Variants in FUT8 observed in about 807,000 individuals in gnomAD.
The protein encoded by FUT8 is alpha-(1,6)-fucosyltransferase.
FUT8 carries 29 observed loss-of-function variants against 71.3 expected under a neutral mutation model. That is an observed-to-expected ratio of 0.41 (90% CI 0.30 to 0.55). The LOEUF is 0.55. FUT8 is among the 20% of genes least tolerant of loss of function. The probability of loss-of-function intolerance (pLI) is 0.34; values close to 1 mark genes in which losing one functional copy is unlikely to be tolerated. For missense variants in FUT8, 544 were observed against 702.1 expected (o/e 0.77, Z 2.55); for synonymous variants, 254 against 239.3 (o/e 1.06, Z -0.57).
intron 1 of FUT8, among the ~76,000 whole-genome samples, chr14:65,443,117 TGAA>T (rs2065685976): frequency 6.6e-6 from 1 of 152,026 alleles, no homozygotes; most frequent in African/African-American, 2.4e-5. Flanking sequence ...TTCTAAAAAA[TGAA>T]GAGTTTTGGG....
Position 65,472,504 on chromosome 14 carries a change from A to G in FUT8, c.-228+16786A>G, listed in dbSNP as rs2139640785. Among the ~76,000 whole-genome samples, 1 of 152,304 alleles carries G rather than the reference A, an allele frequency of 6.6e-6. No homozygotes were observed. Among genetic ancestry groups the G allele is most frequent in the South Asian group, 2.1e-4 (1 of 4,820 alleles). On this transcript the variant is annotated intron_variant, in intron 2 of 10. Coordinates refer to ENST00000673929, the MANE Select transcript of FUT8 (RefSeq NM_001371533.1). This position sits in a 1 kb window ranked among gnomAD's most constrained non-coding sequence, Gnocchi z 4.4. ...TGTTTTCAAGTATAGATTGAGGGCA[A>G]CAGCAGCCTTTGTTTTCTATGTTGA...
chr14:65,531,287 A>C (rs189750796), intron 2 of FUT8, among the ~76,000 whole-genome samples: 1 of 152,166 alleles, frequency 6.6e-6, no homozygotes, highest in East Asian at 1.9e-4. Flanking sequence ...TTTATTATTT[A>C]GTGCTTACAA....
intron 2 of FUT8, among the ~76,000 whole-genome samples, chr14:65,516,688 A>G (rs765893034): frequency 1.3e-3 from 194 of 152,224 alleles, no homozygotes; most frequent in Non-Finnish European, 2.4e-3. Context: ...TGGGCAAATG[A>G]TTATTAAAAT....
intron 6 of FUT8, among the ~76,000 whole-genome samples, chr14:65,667,705 T>C (rs1892286037): frequency 6.6e-6 from 1 of 152,042 alleles, no homozygotes; most frequent in African/African-American, 2.4e-5. Flanking sequence ...GAAAAAAGCC[T>C]GAATAGCCAA....
chr14:65,697,062 G>T (rs61987770), intron 7 of FUT8, among the ~76,000 whole-genome samples: 1 of 152,192 alleles, frequency 6.6e-6, no homozygotes, highest in East Asian at 1.9e-4. Context: ...CTGAGGGTTT[G>T]TATCTTCAGA....
intron 1 of FUT8, among the ~76,000 whole-genome samples, chr14:65,437,252 G>A (rs1045160344): frequency 3.9e-5 from 6 of 151,956 alleles, no homozygotes; most frequent in African/African-American, 1.2e-4. Flanking sequence ...AAAAGCTTAG[G>A]GTATCAGCAA....
chr14:65,474,441 G>GAAAAAAA lies in FUT8; in HGVS notation c.-228+18733_-228+18739dup, dbSNP rs398025445. Among the ~76,000 whole-genome samples, 36 of 39,690 alleles carry GAAAAAAA rather than the reference G, an allele frequency of 9.1e-4. 5 individuals are homozygous for GAAAAAAA. The South Asian group carries it at 0.015, about 17-fold the overall frequency. 26.0% of individuals were successfully genotyped at this position (39,690 alleles called of 152,430 possible). A position where few individuals can be genotyped will look rare whatever the true frequency, so the allele number is the denominator to read the frequency against. ...AACATGGTGAAAACCTGTCTCTACT[G>GAAAAAAA]AAAAAAAAAAAAAAAAGCCAGGCGT... is the stretch of plus-strand genomic sequence containing the variant. On this transcript the variant is annotated intron_variant, in intron 2 of 10. Transcript: ENST00000673929.
Position 65,526,309 on chromosome 14 carries a change from TTA to T in FUT8, c.-227-35026_-227-35025del, listed in dbSNP as rs1883465543. 2.0e-5 allele frequency among the ~76,000 whole-genome samples: 3 copies of T among 152,250 alleles called. No homozygotes were observed. In the South Asian group the frequency reaches 6.2e-4, roughly 32 times the overall value. On this transcript the variant is annotated intron_variant, in intron 2 of 10. Coordinates refer to ENST00000673929, the MANE Select transcript of FUT8 (RefSeq NM_001371533.1). ...TCTTGTTGAATTGGTACCTTTACCA[TTA>T]TGTAATGGCCGTCTTTGTGTCTTTT...
Position 65,483,069 on chromosome 14 carries a change from CA to C in FUT8, c.-228+27352del, listed in dbSNP as rs371917580. Among the ~76,000 whole-genome samples the C allele has an allele frequency of 5.9e-5, 9 of 152,304 alleles. No individual in the cohort carries two copies. The highest frequency in any genetic ancestry group is 2.1e-4 in the South Asian group (1 of 4,828). On this transcript the variant is annotated intron_variant, in intron 2 of 10. Coordinates refer to ENST00000673929, the MANE Select transcript of FUT8 (RefSeq NM_001371533.1). The surrounding 1 kb of genome is among the most constrained non-coding windows in gnomAD (Gnocchi z 4.4). ...ACTTCCCCCTCAGTTGGATTTGTAA[CA>C]GAGTATCTTTGGTGGGACACTTCTG...
At chr14:65,677,574 A>C (rs1892822755) in intron 7 of FUT8, among the ~76,000 whole-genome samples, 1 of 152,178 alleles carries the variant, frequency 6.6e-6, no homozygotes, top group African/African-American at 2.4e-5. Flanking sequence ...TCAGATTTTG[A>C]TATCCAACTT....
chr14:65,367,422 G>A, the FUT8 span, among the ~76,000 whole-genome samples: 6 of 152,102 alleles, frequency 3.9e-5, no homozygotes, highest in Admixed American at 3.3e-4. Context: ...AAATCTAGAG[G>A]GATCCTCCCA....
intron 6 of FUT8, among the ~76,000 whole-genome samples, chr14:65,639,153 T>A (rs535632856): frequency 5.3e-5 from 8 of 151,066 alleles, no homozygotes; most frequent in African/African-American, 1.9e-4. Context: ...GTAGTGGATA[T>A]AGTGGCATGG....
upstream of FUT8, chr14:65,410,920 G>A (rs1007970160): frequency 2.0e-5 from 3 of 151,598 alleles, no homozygotes; most frequent in African/African-American, 7.3e-5. Flanking sequence ...AAAAAAAAAA[G>A]TTACGCTTGC....
At chr14:65,701,301 A>G (rs931823161) in intron 7 of FUT8, among the ~76,000 whole-genome samples, 2 of 152,198 alleles carry the variant, frequency 1.3e-5, no homozygotes, top group African/African-American at 2.4e-5. Flanking sequence ...TTAAGGACGG[A>G]AGCAAAATGT....
chr14:65,470,741 TG>T, intron 2 of FUT8, among the ~76,000 whole-genome samples: 1 of 152,042 alleles, frequency 6.6e-6, no homozygotes, highest in Admixed American at 6.5e-5. Flanking sequence ...GCACCCTCAG[TG>T]GGGTGGGCGC....
At chr14:65,543,724 C>T (rs896918504) in intron 2 of FUT8, among the ~76,000 whole-genome samples, 5 of 152,114 alleles carry the variant, frequency 3.3e-5, no homozygotes, top group Non-Finnish European at 7.4e-5. Context: ...TTACAAGGGA[C>T]AGATGACTCA....
the FUT8 span, among the ~76,000 whole-genome samples, chr14:65,398,731 A>T: frequency 6.6e-6 from 1 of 151,800 alleles, no homozygotes; most frequent in East Asian, 1.9e-4. Flanking sequence ...TCCATCTCAA[A>T]AAAAAAAAAC....
At chr14:65,388,314 A>G in the FUT8 span, among the ~76,000 whole-genome samples, 1 of 152,318 alleles carries the variant, frequency 6.6e-6, no homozygotes, top group Middle Eastern at 3.4e-3. Context: ...ATATATAGGA[A>G]TATTCTTTGT....
Position 65,699,035 on chromosome 14 carries a change from C to T in FUT8, c.836-22740C>T, listed in dbSNP as rs193173779. Among the ~76,000 whole-genome samples the T allele has an allele frequency of 5.6e-4, 85 of 152,090 alleles. 1 individual carries two copies. The highest frequency in any genetic ancestry group is 1.2e-3 in the Admixed American group (19 of 15,264). ...TCTGTGTGGAGTACATATCAAATGT[C>T]GGGACCAGGGATACTAATTATTAAC... On this transcript the variant is annotated intron_variant, in intron 7 of 10. Transcript: ENST00000673929.
Sources: allele counts gnomAD v4.1 joint callset (sites outside exome capture counted in the v4.1 genomes callset), GRCh38; gene constraint gnomAD v4.1.1; non-coding constraint Gnocchi (gnomAD v3.1); transcripts MANE v1.5; gene names NCBI Gene and HGNC (gene_info 2026-07-23, HGNC 2026-07-21).